The following FHIT variants were observed in gnomAD, a reference collection of about 807,000 sequenced individuals.
FHIT encodes fragile histidine triad diadenosine triphosphatase.
Under a neutral mutation model 17.9 loss-of-function variants are expected in FHIT, and 19 were observed. That is an observed-to-expected ratio of 1.06 (90% CI 0.74 to 1.56). The LOEUF (loss-of-function observed/expected upper bound fraction) is 1.56, where lower values mean the gene tolerates loss of function less well. FHIT is among the 40% of genes most tolerant of loss of function. The pLI is 0.00. For synonymous variants in FHIT, 81 were observed against 69.7 expected (o/e 1.16, Z -0.81); for missense variants, 248 against 189.2 (o/e 1.31, Z -1.82).
chr3:60,073,716 C>G (rs1338211008), intron 5 of FHIT, among the ~76,000 whole-genome samples: 14 of 152,078 alleles, frequency 9.2e-5, no homozygotes, highest in Non-Finnish European at 2.1e-4. Flanking sequence ...ATTTTCAGTG[C>G]CCATTTCCCT....
intron 4 of FHIT, among the ~76,000 whole-genome samples, chr3:60,583,358 G>T (rs1392414508): frequency 6.6e-6 from 1 of 151,906 alleles, no homozygotes; most frequent in East Asian, 1.9e-4. Flanking sequence ...TAGATCAGGG[G>T]TTGTCAAACG....
intron 2 of FHIT, among the ~76,000 whole-genome samples, chr3:61,106,797 A>AT (rs1345203914): frequency 1.3e-5 from 2 of 152,112 alleles, no homozygotes; most frequent in Non-Finnish European, 2.9e-5. Flanking sequence ...AATAGCTGGG[A>AT]CTACCGGCAT....
intron 5 of FHIT, among the ~76,000 whole-genome samples, chr3:60,065,237 T>C (rs756009041): frequency 6.6e-6 from 1 of 152,198 alleles, no homozygotes; most frequent in Non-Finnish European, 1.5e-5. Context: ...TGGAGGAACC[T>C]TATGAGCTAG....
chr3:60,480,344 A>G (rs1312772193), intron 5 of FHIT, among the ~76,000 whole-genome samples: 8 of 152,120 alleles, frequency 5.3e-5, no homozygotes, highest in Non-Finnish European at 7.4e-5. Flanking sequence ...AGCCAAACCA[A>G]ATCATTCCAG....
chr3:60,760,961 C>T (rs1699628774), intron 4 of FHIT, among the ~76,000 whole-genome samples: 2 of 152,152 alleles, frequency 1.3e-5, no homozygotes, highest in African/African-American at 4.8e-5. Context: ...GACTCTTTCT[C>T]ATTTAGCCTG....
chr3:60,446,949 G>A (rs2031380466), intron 5 of FHIT, among the ~76,000 whole-genome samples: 1 of 151,664 alleles, frequency 6.6e-6, no homozygotes, highest in Admixed American at 6.6e-5. Flanking sequence ...TTCTCTCTTA[G>A]GTCTTGGTTC....
At chr3:60,554,519 A>T (rs2107632316) in intron 4 of FHIT, among the ~76,000 whole-genome samples, 1 of 152,316 alleles carries the variant, frequency 6.6e-6, no homozygotes, top group Middle Eastern at 3.4e-3. Context: ...TCAACTCAGA[A>T]ATAATGTCAA....
intron 4 of FHIT, chr3:60,690,696 G>A (rs573359686): frequency 2.5e-4 from 115 of 457,854 alleles, no homozygotes; most frequent in African/African-American, 1.6e-3. Context: ...CAGCAATGTC[G>A]AAGAAAACAG....
chr3:60,466,252 C>T (rs2032785939), intron 5 of FHIT, among the ~76,000 whole-genome samples: 1 of 152,060 alleles, frequency 6.6e-6, no homozygotes, highest in African/African-American at 2.4e-5. Context: ...CAACTGTACT[C>T]AATTTGTTTA....
chr3:60,584,868 T>C (rs974004572), intron 4 of FHIT, among the ~76,000 whole-genome samples: 1 of 152,052 alleles, frequency 6.6e-6, no homozygotes, highest in Non-Finnish European at 1.5e-5. Context: ...CTATATATTA[T>C]TTGTTTTTAA....
At chr3:60,944,371 G>C (rs1184648692) in intron 3 of FHIT, among the ~76,000 whole-genome samples, 2 of 151,412 alleles carry the variant, frequency 1.3e-5, no homozygotes, top group Non-Finnish European at 2.9e-5. Flanking sequence ...TCTGTTCTCA[G>C]TATCACTGGA....
At chr3:60,094,255 G>C (rs1250045367) in intron 5 of FHIT, among the ~76,000 whole-genome samples, 1 of 151,966 alleles carries the variant, frequency 6.6e-6, no homozygotes, top group Non-Finnish European at 1.5e-5. Flanking sequence ...TAGCAGTTTA[G>C]ACACTTATGA....
intron 5 of FHIT, among the ~76,000 whole-genome samples, chr3:60,316,418 G>A (rs1709168260): frequency 6.6e-6 from 1 of 152,134 alleles, no homozygotes; most frequent in South Asian, 2.1e-4. Context: ...CTTAGGATAG[G>A]TTGAAAATTA....
At chr3:60,083,996 T>C (rs17062116) in intron 5 of FHIT, among the ~76,000 whole-genome samples, 2 of 152,142 alleles carry the variant, frequency 1.3e-5, no homozygotes, top group African/African-American at 2.4e-5. Context: ...GGCACGTTTA[T>C]GTATTGACAA....
intron 5 of FHIT, among the ~76,000 whole-genome samples, chr3:60,134,395 C>T (rs950256059): frequency 4.6e-5 from 7 of 152,166 alleles, no homozygotes; most frequent in African/African-American, 1.7e-4. Flanking sequence ...TATTCCCTAT[C>T]ATAGTTTCAA....
At chr3:60,571,289 T>C (rs534637852) in intron 4 of FHIT, among the ~76,000 whole-genome samples, 3 of 124,970 alleles carry the variant, frequency 2.4e-5, no homozygotes, top group South Asian at 2.6e-4. Context: ...TGAGCTGAGA[T>C]TGCATCACTG....
At chr3:60,347,920 G>A (rs929369939) in intron 5 of FHIT, among the ~76,000 whole-genome samples, 4 of 151,828 alleles carry the variant, frequency 2.6e-5, no homozygotes, top group South Asian at 2.1e-4. Flanking sequence ...CACCATGCCC[G>A]GCTAATTTTT....
intron 5 of FHIT, among the ~76,000 whole-genome samples, chr3:60,086,053 G>A (rs1231165585): frequency 6.6e-6 from 1 of 152,208 alleles, no homozygotes; most frequent in Non-Finnish European, 1.5e-5. Flanking sequence ...TGCATCTGGT[G>A]AGGGCCTCAG....
intron 5 of FHIT, among the ~76,000 whole-genome samples, chr3:60,442,554 G>C (rs1260557238): frequency 6.6e-6 from 1 of 152,072 alleles, no homozygotes; most frequent in Non-Finnish European, 1.5e-5. Context: ...TCTTGTTTAT[G>C]TCAGGTTTGC....
Sources: allele counts gnomAD v4.1 joint callset (sites outside exome capture counted in the v4.1 genomes callset), GRCh38; gene constraint gnomAD v4.1.1; transcripts MANE v1.5; gene names NCBI Gene and HGNC (gene_info 2026-07-23, HGNC 2026-07-21).